The following VAV2 variants were observed in gnomAD, a reference collection of about 807,000 sequenced individuals.
The protein encoded by VAV2 is guanine nucleotide exchange factor VAV2.
VAV2 carries 67 observed loss-of-function variants against 132.5 expected under a neutral mutation model. The observed-to-expected ratio is 0.51, with a 90% confidence interval of 0.42 to 0.62. VAV2 has a LOEUF of 0.62. VAV2 is among the 20% of genes least tolerant of loss of function. The pLI is 0.00. For synonymous variants in VAV2, 492 were observed against 443.5 expected (o/e 1.11, Z -1.37); for missense variants, 938 against 1,153.6 (o/e 0.81, Z 2.71).
chr9:133,898,525 C>T (rs1372271614), intron 2 of VAV2, among the ~76,000 whole-genome samples: 1 of 151,988 alleles, frequency 6.6e-6, no homozygotes, highest in East Asian at 1.9e-4. Context: ...ACCCAGAAGG[C>T]AGAGATTGCA....
intron 1 of VAV2, among the ~76,000 whole-genome samples, chr9:133,988,876 G>A (rs531261379): frequency 6.6e-6 from 1 of 151,850 alleles, no homozygotes; most frequent in African/African-American, 2.4e-5. Flanking sequence ...GATCAGCCTG[G>A]CCAACATAGT....
At chr9:133,810,515 G>A (rs1835319477) in intron 5 of VAV2, among the ~76,000 whole-genome samples, 1 of 152,228 alleles carries the variant, frequency 6.6e-6, no homozygotes, top group Non-Finnish European at 1.5e-5. Context: ...TGACAGGGAA[G>A]GACATGGAGC....
chr9:133,876,843 A>G (rs1838285255), intron 2 of VAV2, among the ~76,000 whole-genome samples: 1 of 152,090 alleles, frequency 6.6e-6, no homozygotes, highest in Admixed American at 6.5e-5. Context: ...GAAGAGAGAA[A>G]CCATCTCTGT....
rs1319318033 is a variant in VAV2 at position 133,883,553 on chromosome 9, GAC to G, written c.322-22123_322-22122del. ...AAGTCATCCCCAGCCACGGCAGGCAGACAGCCCAGCAGAGACTCCCAAGTCAT... is the reference window on the plus strand; with the variant it reads ...AAGTCATCCCCAGCCACGGCAGGCAGAGCCCAGCAGAGACTCCCAAGTCAT... On this transcript the variant is annotated intron_variant, in intron 2 of 29. Transcript: ENST00000371850. This position sits in a 1 kb window ranked among gnomAD's most constrained non-coding sequence, Gnocchi z 4.2. Among the ~76,000 whole-genome samples the G allele has an allele frequency of 3.3e-5, 5 of 152,136 alleles. No homozygotes were observed. The highest frequency in any genetic ancestry group is 5.9e-5 in the Non-Finnish European group (4 of 68,024).
intron 2 of VAV2, among the ~76,000 whole-genome samples, chr9:133,886,772 GCT>G (rs1263654919): frequency 1.3e-5 from 2 of 152,252 alleles, no homozygotes; most frequent in Non-Finnish European, 2.9e-5. Flanking sequence ...CAGGGTCAGA[GCT>G]CTGTTACCAG....
chr9:133,783,204 T>G (rs530041099), intron 19 of VAV2, among the ~76,000 whole-genome samples: 22 of 151,824 alleles, frequency 1.4e-4, no homozygotes, highest in Non-Finnish European at 2.4e-4. Context: ...TGTTTGGGGG[T>G]GGAGATTCTA....
At chr9:133,967,566 A>C (rs1842184997) in intron 1 of VAV2, among the ~76,000 whole-genome samples, 2 of 152,150 alleles carry the variant, frequency 1.3e-5, no homozygotes, top group Non-Finnish European at 2.9e-5. Flanking sequence ...AAAGAATAAA[A>C]TCCTGTCATT....
intron 11 of VAV2, 136 bp from the exon 12 acceptor site, chr9:133,795,872 G>A: frequency 5.5e-6 from 5 of 907,800 alleles, no homozygotes; most frequent in Non-Finnish European, 8.3e-6. Context: ...GCCAGGCTGG[G>A]TTTGGCTGCC....
intron 4 of VAV2, among the ~76,000 whole-genome samples, chr9:133,829,402 A>G (rs1291193652): frequency 6.6e-6 from 1 of 152,234 alleles, no homozygotes; most frequent in Admixed American, 6.5e-5. Flanking sequence ...GCTCCCAGAA[A>G]GATGTTCTGG....
At chr9:133,932,125 C>T (rs923450156) in intron 2 of VAV2, among the ~76,000 whole-genome samples, 10 of 152,344 alleles carry the variant, frequency 6.6e-5, no homozygotes, top group African/African-American at 2.2e-4. Context: ...ATCCTCCCTC[C>T]AAATGCCCGA....
chr9:133,870,988 A>T (rs1163716055), intron 2 of VAV2, among the ~76,000 whole-genome samples: 1 of 115,290 alleles, frequency 8.7e-6, no homozygotes, highest in Non-Finnish European at 1.8e-5. Context: ...GGATGGATGG[A>T]TGGATGGATA....
chr9:133,910,234 G>A (rs1035103731), intron 2 of VAV2, among the ~76,000 whole-genome samples: 10 of 152,190 alleles, frequency 6.6e-5, no homozygotes, highest in African/African-American at 2.4e-4. Flanking sequence ...GGGTCCCTGA[G>A]ACTATGGCAC....
intron 2 of VAV2, among the ~76,000 whole-genome samples, chr9:133,902,052 C>T (rs1429918052): frequency 6.6e-6 from 1 of 151,856 alleles, no homozygotes; most frequent in Non-Finnish European, 1.5e-5. Context: ...CAGAACCTCC[C>T]ACCCCCACCT....
chr9:133,831,391 G>A (rs543673263), intron 4 of VAV2, among the ~76,000 whole-genome samples: 204 of 151,828 alleles, frequency 1.3e-3, no homozygotes, highest in African/African-American at 4.3e-3. Flanking sequence ...AGCTGAGATC[G>A]CGCCACTGCA....
At chr9:133,896,966 C>T (rs1352163139) in intron 2 of VAV2, among the ~76,000 whole-genome samples, 2 of 151,848 alleles carry the variant, frequency 1.3e-5, no homozygotes, top group Non-Finnish European at 2.9e-5. Context: ...TGGTGGCGGG[C>T]GCCTGTAGTC....
chr9:133,971,200 A>G (rs1419035959), intron 1 of VAV2, among the ~76,000 whole-genome samples: 2 of 152,150 alleles, frequency 1.3e-5, no homozygotes, highest in Non-Finnish European at 2.9e-5. Context: ...TTGCAGATGG[A>G]ACAGTCGTAA....
rs1833348763 is a variant in VAV2, at chr9:133,763,938, T to C, written c.*124A>G. 3 of 1,183,814 alleles carry C rather than the reference T, an allele frequency of 2.5e-6. No homozygotes were observed. The highest frequency in any genetic ancestry group is 1.3e-5 in the South Asian group (1 of 76,592). The allele number at this position is 1,183,814 out of a possible 1,614,324, so 73.3% of individuals were successfully genotyped here. ...GGATTCTCAACACCCTCCCTATCCC[T>C]GTGGGCAGTGGAAGACTGGGAGGTT... On this transcript the variant is annotated 3_prime_UTR_variant, in exon 30 of 30. Coordinates refer to ENST00000371850, the MANE Select transcript of VAV2 (RefSeq NM_001134398.2). The surrounding 1 kb of genome is among the most constrained non-coding windows in gnomAD (Gnocchi z 6.8).
At chr9:133,970,891 G>C (rs1244607520) in intron 1 of VAV2, among the ~76,000 whole-genome samples, 2 of 152,230 alleles carry the variant, frequency 1.3e-5, no homozygotes, top group Admixed American at 6.5e-5. Flanking sequence ...CAGATGTTTC[G>C]TTTAAGCAGC....
chr9:133,886,793 G>C (rs1347641771), intron 2 of VAV2, among the ~76,000 whole-genome samples: 1 of 152,260 alleles, frequency 6.6e-6, no homozygotes, highest in African/African-American at 2.4e-5. Flanking sequence ...AGGAGAGCAG[G>C]TGAATTCTGC....
Sources: gnomAD v4.1 joint callset for allele counts (sites outside exome capture counted in the v4.1 genomes callset) on GRCh38, gnomAD v4.1.1 for gene constraint, Gnocchi (gnomAD v3.1) non-coding constraint, MANE v1.5 for transcripts, NCBI Gene and HGNC (gene_info 2026-07-23, HGNC 2026-07-21) for gene names.